Variants in TBK1 observed in about 807,000 individuals in gnomAD.
TBK1 encodes TANK binding kinase 1.
A neutral mutation model predicts 99.9 loss-of-function variants in TBK1; 37 were observed. That is an observed-to-expected ratio of 0.37 (90% confidence interval 0.28 to 0.49). The LOEUF is 0.49. TBK1 is among the 20% of genes least tolerant of loss of function. The pLI is 0.98. For missense variants in TBK1, 644 were observed against 872.5 expected (o/e 0.74, Z 3.30); for synonymous variants, 258 against 279.8 (o/e 0.92, Z 0.78).
chr12:64,486,072 A>T (rs2040817711), intron 11 of TBK1, 55 bp downstream of exon 11: 2 of 1,255,606 alleles, frequency 1.6e-6, no homozygotes, highest in Admixed American at 4.6e-5. Context: ...TTGCCCCATC[A>T]TTGATATTTT....
intron 3 of TBK1, among the ~76,000 whole-genome samples, chr12:64,462,801 T>C (rs1213407357): frequency 6.6e-6 from 1 of 152,204 alleles, no homozygotes; most frequent in Non-Finnish European, 1.5e-5. Flanking sequence ...ATTGTGTATA[T>C]ATAATTTGAT....
At chr12:64,499,304 C>G (rs2040962759) in intron 20 of TBK1, among the ~76,000 whole-genome samples, 1 of 151,920 alleles carries the variant, frequency 6.6e-6, no homozygotes, top group Non-Finnish European at 1.5e-5. Context: ...CTCAGCCTCC[C>G]AAAGTGCTGG....
intron 5 of TBK1, among the ~76,000 whole-genome samples, chr12:64,474,027 G>C (rs2040687581): frequency 6.6e-6 from 1 of 152,154 alleles, no homozygotes; most frequent in African/African-American, 2.4e-5. Context: ...AAATTATGAA[G>C]CAGGGTCATC....
At position 64,497,027 on chromosome 12, in the gene TBK1, G is replaced by T. The variant is rs368859659; in HGVS notation, c.1839G>T (p.Leu613Phe). ...GTGTTAAAAAGTATGAGGCATTTTT[G>T]AATAAGTCAGAAGAATGGATAAGGT... ...DECVKKYEAF[L>F]NKSEEWIRKM... Residue 613 changes from leucine (L) to phenylalanine (F), a missense_variant, in exon 17 of 21, where the codon TTG becomes TTT. By Grantham distance (22) the Leu-to-Phe change is conservative. Coordinates refer to ENST00000331710, the MANE Select transcript of TBK1 (RefSeq NM_013254.4). 564 of 1,612,802 alleles carry T rather than the reference G, an allele frequency of 3.5e-4. 8 individuals carry two copies. In the South Asian group the frequency reaches 5.5e-3, roughly 16 times the overall value.
intron 8 of TBK1, among the ~76,000 whole-genome samples, chr12:64,482,451 TA>T (rs1436165894): frequency 1.3e-5 from 2 of 152,136 alleles, no homozygotes; most frequent in African/African-American, 4.8e-5. Flanking sequence ...CTATTAACCA[TA>T]ATAATGGTTA....
At chr12:64,489,455 A>C (rs1485884502) in intron 12 of TBK1, among the ~76,000 whole-genome samples, 1 of 152,210 alleles carries the variant, frequency 6.6e-6, no homozygotes, top group Non-Finnish European at 1.5e-5. Context: ...ATCCTCATAT[A>C]AGATTATTTG....
At chr12:64,466,170 G>A (rs1195184492) in intron 4 of TBK1, among the ~76,000 whole-genome samples, 2 of 152,122 alleles carry the variant, frequency 1.3e-5, no homozygotes, top group Non-Finnish European at 2.9e-5. Context: ...GTCTTCCTAA[G>A]TGTATTGGTA....
chr12:64,481,986 G>A lies in TBK1; in HGVS notation c.957G>A (p.Met319Ile). 1 of 1,602,942 alleles carries A rather than the reference G, an allele frequency of 6.2e-7. No homozygotes were observed. The highest frequency in any genetic ancestry group is 8.5e-7 in the Non-Finnish European group (1 of 1,174,850). ...TTCATGTTTTTTCGCTACAACAAATGACAGCTCATAAGATTTATATTCATA... is the reference window on the plus strand; with the variant it reads ...TTCATGTTTTTTCGCTACAACAAATAACAGCTCATAAGATTTATATTCATA... ...MVIHVFSLQQ[M>I]TAHKIYIHSY... is the part of the protein sequence containing the mutation. The change falls in exon 8 of 21, where the codon ATG becomes ATA. Residue 319 changes from methionine to isoleucine, a missense_variant. By Grantham distance (10) the Met-to-Ile change is conservative. Around this residue, in one of 3 missense-constraint regions of TBK1, gnomAD observed 465 missense variants for 588.0 expected, o/e 0.79. Coordinates refer to ENST00000331710, the MANE Select transcript of TBK1 (RefSeq NM_013254.4).
intron 6 of TBK1, among the ~76,000 whole-genome samples, chr12:64,476,889 A>T (rs902234266): frequency 2.0e-5 from 3 of 152,134 alleles, no homozygotes; most frequent in African/African-American, 7.2e-5. Flanking sequence ...GCATATGGTT[A>T]GCTAGTTTTC....
rs780865209 is a variant in TBK1 at position 64,488,550 on chromosome 12, G to C, written c.1404G>C (p.Leu468Phe). The C allele has an allele frequency of 6.2e-7, 1 of 1,606,262 alleles. No homozygotes were observed. Among genetic ancestry groups the C allele is most frequent in the South Asian group, 1.1e-5 (1 of 88,558 alleles). ...VHKKTEVVIT[L>F]DFCIRNIEKT... is the part of the protein sequence containing the mutation. ...AAAAGACAGAAGTTGTGATCACATT[G>C]GATTTCTGTATCAGAAACATTGAAA... is the stretch of plus-strand genomic sequence containing the variant. Residue 468 changes from leucine to phenylalanine, a missense_variant, in exon 12 of 21, where the codon TTG becomes TTC. Around this residue, in one of 3 missense-constraint regions of TBK1, gnomAD observed 465 missense variants for 588.0 expected, o/e 0.79. Transcript: ENST00000331710.
chr12:64,494,300 CA>C (rs113315198), intron 13 of TBK1, among the ~76,000 whole-genome samples: 70 of 134,348 alleles, frequency 5.2e-4, no homozygotes, highest in East Asian at 1.3e-3. Context: ...CCAACTCTAC[CA>C]AAAAAAAAAA....
In TBK1 at chr12:64,467,099, T is replaced by G. The variant is rs762731042; in HGVS notation, c.540+17T>G. On this transcript the variant is annotated intron_variant, in intron 5 of 20. Transcript: ENST00000331710. ...GAATATTTGGTAAGTCATGTATCAC[T>G]AATATTTTCATTTAAAGAAGCTTGA... is the stretch of plus-strand genomic sequence containing the variant. 6.6e-7 allele frequency: 1 copy of G among 1,519,312 alleles called. No homozygotes were observed. Among genetic ancestry groups the G allele is most frequent in the Non-Finnish European group, 8.9e-7 (1 of 1,126,958 alleles). The allele number at this position is 1,519,312 out of a possible 1,614,324, so 94.1% of individuals were successfully genotyped here. A position where few individuals can be genotyped will look rare whatever the true frequency, so the allele number is the denominator to read the frequency against.
chr12:64,459,617 C>G (rs1423266089), intron 2 of TBK1, among the ~76,000 whole-genome samples: 1 of 152,158 alleles, frequency 6.6e-6, no homozygotes, highest in Non-Finnish European at 1.5e-5. Flanking sequence ...GGGGCAGAAA[C>G]CAACCAGGAA....
At chr12:64,486,601 ATT>A (rs879722648) in intron 11 of TBK1, among the ~76,000 whole-genome samples, 2 of 140,552 alleles carry the variant, frequency 1.4e-5, no homozygotes, top group Non-Finnish European at 3.1e-5. Context: ...CACCCAGCTA[ATT>A]TTTTTTTTTT....
chr12:64,455,109 C>T (rs2040472836), intron 1 of TBK1, among the ~76,000 whole-genome samples: 1 of 151,516 alleles, frequency 6.6e-6, no homozygotes, highest in African/African-American at 2.4e-5. Context: ...GTTGCAGCCT[C>T]CCGAGTAGCT....
intron 3 of TBK1, 115 bp from the exon 4 acceptor site, chr12:64,464,219 A>G (rs1291818493): frequency 2.6e-6 from 2 of 777,932 alleles, no homozygotes; most frequent in African/African-American, 1.8e-5. Flanking sequence ...CAGGTGAAGC[A>G]AAGTGCCTTC....
intron 13 of TBK1, among the ~76,000 whole-genome samples, chr12:64,493,346 A>G (rs1486467529): frequency 6.6e-6 from 1 of 152,092 alleles, no homozygotes; most frequent in Non-Finnish European, 1.5e-5. Flanking sequence ...CTCCTGGGCC[A>G]CAGGTCGCAG....
At chr12:64,485,190 TG>T (rs1440496556) in intron 9 of TBK1, among the ~76,000 whole-genome samples, 27 of 152,158 alleles carry the variant, frequency 1.8e-4, no homozygotes, top group Admixed American at 1.8e-3. Flanking sequence ...ATTTGAAGGT[TG>T]GGATTTGATG....
chr12:64,453,563 G>GTTT (rs956436797), intron 1 of TBK1, among the ~76,000 whole-genome samples: 3 of 152,128 alleles, frequency 2.0e-5, no homozygotes, highest in African/African-American at 7.2e-5. Context: ...TCAGTGATTG[G>GTTT]TAAAATTGAG....
Sources: gnomAD v4.1 joint callset for allele counts (sites outside exome capture counted in the v4.1 genomes callset) on GRCh38, gnomAD v4.1.1 for gene constraint, gnomAD v4.1.1 regional missense constraint, MANE v1.5 for transcripts, NCBI Gene and HGNC (gene_info 2026-07-23, HGNC 2026-07-21) for gene names.